Variants in SYCP2 observed in about 807,000 individuals in gnomAD.
SYCP2 encodes the protein synaptonemal complex lateral element protein.
Under a neutral mutation model 211.3 loss-of-function variants are expected in SYCP2, and 55 were observed. The ratio of observed to expected loss-of-function variants is 0.26; its 90% CI spans 0.21 to 0.33. The LOEUF (loss-of-function observed/expected upper bound fraction) is 0.33, where lower values mean the gene tolerates loss of function less well. Ranked by LOEUF, SYCP2 falls within the 10% of genes least tolerant of loss-of-function variation. SYCP2 has a pLI of 1.00. For synonymous variants in SYCP2, 570 were observed against 555.2 expected (o/e 1.03, Z -0.37); for missense variants, 1,731 against 1,752.0 (o/e 0.99, Z 0.21).
chr20:59,932,353 G>A (rs962863951), intron 1 of SYCP2, among the ~76,000 whole-genome samples, 199 bp from the exon 2 acceptor site: 2 of 152,064 alleles, frequency 1.3e-5, no homozygotes, highest in Admixed American at 6.5e-5. Context: ...ATGAAGGGGA[G>A]GGAAGGCGTC....
In SYCP2 at chr20:59,883,635, C is replaced by T. The variant is rs538360515; in HGVS notation, c.2530-1470G>A. On this transcript the variant is annotated intron_variant, in intron 26 of 44. Coordinates refer to ENST00000357552, the MANE Select transcript of SYCP2 (RefSeq NM_014258.4). ...GCATGATCTCCCTTATATGTGGAAT[C>T]TTAAAAAAAAAAAAATGTCAAATCT... Among the ~76,000 whole-genome samples, 562 of 145,004 alleles carry T rather than the reference C, an allele frequency of 3.9e-3. 4 individuals carry two copies. Among genetic ancestry groups the T allele is most frequent in the Non-Finnish European group, 6.6e-3 (444 of 67,126 alleles).
intron 24 of SYCP2, 118 bp from the exon 25 acceptor site, chr20:59,886,952 AAG>A (rs2059800424): frequency 4.1e-6 from 3 of 730,618 alleles, no homozygotes; most frequent in Non-Finnish European, 6.3e-6. Context: ...GAGAGAAATA[AAG>A]AGAGTCAACT....
chr20:59,901,916 T>TTC, intron 15 of SYCP2, 106 bp from the exon 16 acceptor site: 2 of 892,088 alleles, frequency 2.2e-6, no homozygotes, highest in Non-Finnish European at 3.2e-6. Flanking sequence ...AAAATTCAAA[T>TTC]TCTCAATATT....
At chr20:59,868,329 T>C in intron 38 of SYCP2, 84 bp downstream of exon 38, 2 of 1,408,668 alleles carry the variant, frequency 1.4e-6, no homozygotes, top group Non-Finnish European at 9.7e-7. Flanking sequence ...TCTTTACAAA[T>C]TTGTTTTGTA....
intron 15 of SYCP2, 83 bp from the exon 16 acceptor site, chr20:59,901,893 G>GATA: frequency 9.0e-7 from 1 of 1,109,926 alleles, no homozygotes; most frequent in East Asian, 2.7e-5. Flanking sequence ...GGATGTAGCA[G>GATA]ATTAATTGAA....
chr20:59,877,087 G>T (rs772858397), intron 33 of SYCP2, among the ~76,000 whole-genome samples: 14 of 152,074 alleles, frequency 9.2e-5, no homozygotes, highest in Non-Finnish European at 1.5e-4. Flanking sequence ...GCTTCTCCAT[G>T]CTATACTTTA....
chr20:59,900,526 A>G (rs2060095778), intron 17 of SYCP2, among the ~76,000 whole-genome samples: 1 of 152,142 alleles, frequency 6.6e-6, no homozygotes, highest in Non-Finnish European at 1.5e-5. Flanking sequence ...TTAAAGTTTT[A>G]AAGTTACTAA....
chr20:59,886,895 G>T, intron 24 of SYCP2, 61 bp from the exon 25 acceptor site: 1 of 1,372,426 alleles, frequency 7.3e-7, no homozygotes. Flanking sequence ...GAAAAATAAA[G>T]GCTGAAAAAA....
At chr20:59,927,279 T>C (rs2060650698) in intron 2 of SYCP2, among the ~76,000 whole-genome samples, 1 of 152,152 alleles carries the variant, frequency 6.6e-6, no homozygotes, top group African/African-American at 2.4e-5. Context: ...AACCTTAATG[T>C]TCCCTGAGAT....
chr20:59,922,154 A>G (rs1171715880), intron 3 of SYCP2, among the ~76,000 whole-genome samples: 2 of 151,652 alleles, frequency 1.3e-5, no homozygotes, highest in East Asian at 3.9e-4. Flanking sequence ...ATTCTTTTCA[A>G]TGTAAAAGGT....
At chr20:59,896,848 T>C (rs1464248426) in intron 18 of SYCP2, among the ~76,000 whole-genome samples, 2 of 152,208 alleles carry the variant, frequency 1.3e-5, no homozygotes, top group African/African-American at 4.8e-5. Context: ...TAGTTAACCA[T>C]AGCTTGCAAT....
chr20:59,910,710 C>T (rs1201050296), intron 14 of SYCP2, among the ~76,000 whole-genome samples: 6 of 151,586 alleles, frequency 4.0e-5, no homozygotes, highest in Non-Finnish European at 5.9e-5. Flanking sequence ...TCTCCCAAAA[C>T]GAAATTCTAT....
intron 4 of SYCP2, 135 bp downstream of exon 4, chr20:59,921,159 TAATAAGCAAATGGTGA>T (rs1372621046): frequency 1.8e-6 from 1 of 551,042 alleles, no homozygotes; most frequent in Non-Finnish European, 3.0e-6. Flanking sequence ...AAACAAACAA[TAATAAGCAAATGGTGA>T]AATAAGCATT....
chr20:59,918,349 T>C (rs2060481241), intron 7 of SYCP2, among the ~76,000 whole-genome samples: 1 of 152,224 alleles, frequency 6.6e-6, no homozygotes, highest in Non-Finnish European at 1.5e-5. Context: ...AGCAATGCTA[T>C]GCTGCTTTAT....
intron 28 of SYCP2, 95 bp downstream of exon 28, chr20:59,881,850 G>T (rs1477467232): frequency 3.3e-6 from 3 of 917,052 alleles, no homozygotes; most frequent in Non-Finnish European, 5.0e-6. Flanking sequence ...TAAAGCATAT[G>T]AGGATGCACA....
At chr20:59,891,444 G>A (rs749122575) in intron 24 of SYCP2, among the ~76,000 whole-genome samples, 6 of 151,912 alleles carry the variant, frequency 3.9e-5, no homozygotes, top group Non-Finnish European at 5.9e-5. Context: ...GAAAGTGGGA[G>A]CTCTAATAAT....
chr20:59,891,955 G>C, intron 24 of SYCP2, 35 bp downstream of exon 24: 1 of 1,506,938 alleles, frequency 6.6e-7, no homozygotes, highest in Non-Finnish European at 8.9e-7. Context: ...GGCATCTTAT[G>C]GATATGCAGA....
intron 2 of SYCP2, among the ~76,000 whole-genome samples, chr20:59,923,490 G>A (rs189363664): frequency 1.3e-5 from 2 of 151,576 alleles, no homozygotes; most frequent in Non-Finnish European, 1.5e-5. Flanking sequence ...AATAATTATG[G>A]GAATTTTTTT....
intron 30 of SYCP2, 110 bp downstream of exon 30, chr20:59,880,856 A>G: frequency 1.8e-6 from 1 of 549,752 alleles, no homozygotes; most frequent in Non-Finnish European, 3.1e-6. Flanking sequence ...GGATAGTTGC[A>G]TAAATAAAAC....
Sources: allele counts gnomAD v4.1 joint callset (sites outside exome capture counted in the v4.1 genomes callset), GRCh38; gene constraint gnomAD v4.1.1; transcripts MANE v1.5; gene names NCBI Gene and HGNC (gene_info 2026-07-23, HGNC 2026-07-21).